NDUFAF6: variants seen among roughly 807,000 people sequenced by gnomAD.
The protein encoded by NDUFAF6 is NADH:ubiquinone oxidoreductase complex assembly factor 6.
A neutral mutation model predicts 40.8 loss-of-function variants in NDUFAF6; 45 were observed. That is an observed-to-expected ratio of 1.10 (90% confidence interval 0.87 to 1.42). The LOEUF (loss-of-function observed/expected upper bound fraction) is 1.42, where lower values mean the gene tolerates loss of function less well. NDUFAF6 is among the 40% of genes most tolerant of loss of function. NDUFAF6 has a pLI of 0.00. For synonymous variants in NDUFAF6, 185 were observed against 155.9 expected (o/e 1.19, Z -1.39); for missense variants, 435 against 418.5 (o/e 1.04, Z -0.34).
rs767124709 is a variant in NDUFAF6, at chr8:95,045,579, T to C, written c.512T>C (p.Ile171Thr). Residue 171 changes from isoleucine (I) to threonine (T), a missense_variant, in exon 5 of 9, where the codon ATC (isoleucine) becomes ACC (threonine). By Grantham distance (89) the Ile-to-Thr change is moderately conservative. Coordinates refer to ENST00000396124, the MANE Select transcript of NDUFAF6 (RefSeq NM_152416.4). ...CTGGATGACAAAGCATATCGTAATATCAAGGAACTGGAAAATTATGCTGAA... is the reference window on the plus strand; with the variant it reads ...CTGGATGACAAAGCATATCGTAATACCAAGGAACTGGAAAATTATGCTGAA... ...KNLDDKAYRN[I>T]KELENYAENT... 1.9e-6 allele frequency: 3 copies of C among 1,613,528 alleles called. No individual in the cohort carries two copies. Among genetic ancestry groups the C allele is most frequent in the Non-Finnish European group, 2.5e-6 (3 of 1,179,668 alleles).
In NDUFAF6 at chr8:94,925,549, C is replaced by CTTT. The variant is rs1287916481; in HGVS notation, c.-935-19917_-935-19915dup. On this transcript the variant is annotated intron_variant, in intron 1 of 14. Coordinates refer to the NDUFAF6 transcript ENST00000396113. ...CCTCATTTTAGGTTAAAAAGAAATC[C>CTTT]TTTTTTTTTTTTTTTTTTTGAGACA... 2.4e-3 allele frequency among the ~76,000 whole-genome samples: 325 copies of CTTT among 135,424 alleles called. 7 individuals are homozygous for CTTT. The highest frequency in any genetic ancestry group is 8.4e-3 in the African/African-American group (302 of 35,870). The allele number at this position is 135,424 out of a possible 152,430, so 88.8% of individuals were successfully genotyped here. A position where few individuals can be genotyped will look rare whatever the true frequency, so the allele number is the denominator to read the frequency against.
At chr8:95,111,669 T>C (rs1288625320) in intron 4 of NDUFAF6, among the ~76,000 whole-genome samples, 1 of 151,748 alleles carries the variant, frequency 6.6e-6, no homozygotes, top group Non-Finnish European at 1.5e-5. Context: ...TGGGCACCAG[T>C]ATCTTGACCA....
chr8:95,014,802 T>G (rs1827372176), intron 2 of NDUFAF6, among the ~76,000 whole-genome samples: 2 of 152,212 alleles, frequency 1.3e-5, no homozygotes, highest in African/African-American at 2.4e-5. Flanking sequence ...TTTATTCCTC[T>G]TTCAGCTCTG....
upstream of NDUFAF6, among the ~76,000 whole-genome samples, chr8:94,953,467 A>G (rs13257021): frequency 0.5 from 75,979 of 151,840 alleles, 19,533 homozygotes; most frequent in East Asian, 0.72. Context: ...CCAAGGAGCC[A>G]TGAAGCTTGA....
rs1254234450 is a variant in NDUFAF6, at chr8:95,058,398, A to C, written c.*461A>C. The C allele has an allele frequency of 8.1e-7, 1 of 1,232,810 alleles. No individual in the cohort carries two copies. The highest frequency in any genetic ancestry group is 1.0e-6 in the Non-Finnish European group (1 of 988,722). The allele number at this position is 1,232,810 out of a possible 1,614,324, so 76.4% of individuals were successfully genotyped here. A position where few individuals can be genotyped will look rare whatever the true frequency, so the allele number is the denominator to read the frequency against. ...TTTATTTAGGGGTCACAAATAGTGA[A>C]ATTAATATTTGAGGAATATCAGTCA... On this transcript the variant is annotated 3_prime_UTR_variant, in exon 9 of 9. Transcript: ENST00000396124.
In NDUFAF6 at chr8:95,057,790, A is replaced by G. The variant is rs373578249; in HGVS notation, c.874-19A>G. ...TTGATCATTTTATGATCTGGTGATCACTATTCTCTTTTTTCCAGGTTTCTC... is the reference window on the plus strand; with the variant it reads ...TTGATCATTTTATGATCTGGTGATCGCTATTCTCTTTTTTCCAGGTTTCTC... On this transcript the variant is annotated intron_variant, in intron 8 of 8. Transcript: ENST00000396124. The G allele has an allele frequency of 3.8e-6, 6 of 1,591,942 alleles. No individual in the cohort carries two copies. Among genetic ancestry groups the G allele is most frequent in the Non-Finnish European group, 5.2e-6 (6 of 1,163,082 alleles).
chr8:95,022,003 G>T (rs1249242673), upstream of NDUFAF6, among the ~76,000 whole-genome samples: 4 of 152,170 alleles, frequency 2.6e-5, no homozygotes, highest in African/African-American at 4.8e-5. Context: ...TGTAGTGTCA[G>T]AAGGGTTGCA....
intron 2 of NDUFAF6, among the ~76,000 whole-genome samples, chr8:95,094,496 T>A (rs7008499): frequency 0.86 from 126,732 of 146,790 alleles, 54,994 homozygotes; most frequent in East Asian, 1. Context: ...CACTGCAACC[T>A]CTGCCTCCAG....
chr8:94,939,144 ACAAGGTTTT>A (rs964934762), intron 1 of NDUFAF6, among the ~76,000 whole-genome samples: 8 of 152,222 alleles, frequency 5.3e-5, no homozygotes, highest in African/African-American at 1.9e-4. Context: ...AAATTCTCAG[ACAAGGTTTT>A]CAAGGTTACA....
intron 9 of NDUFAF6, among the ~76,000 whole-genome samples, chr8:95,074,970 C>G (rs1832987410): frequency 6.6e-6 from 1 of 152,160 alleles, no homozygotes; most frequent in South Asian, 2.1e-4. Context: ...ATCAGGCAGC[C>G]AGCAACCCCA....
chr8:95,012,993 C>T (rs1180655083), intron 2 of NDUFAF6, among the ~76,000 whole-genome samples: 1 of 152,200 alleles, frequency 6.6e-6, no homozygotes, highest in Non-Finnish European at 1.5e-5. Context: ...CCTTATCAAC[C>T]TACTACTCCC....
intron 1 of NDUFAF6, among the ~76,000 whole-genome samples, chr8:94,970,777 G>T (rs914884364): frequency 2.0e-5 from 3 of 152,150 alleles, no homozygotes; most frequent in African/African-American, 7.2e-5. Context: ...ATTGTAAATT[G>T]TATATACCTT....
upstream of NDUFAF6, among the ~76,000 whole-genome samples, chr8:95,020,180 CAA>C (rs1827633121): frequency 1.3e-5 from 2 of 152,070 alleles, no homozygotes; most frequent in East Asian, 3.9e-4. Flanking sequence ...GCCTGGGCGA[CAA>C]GAGTGAAACT....
chr8:94,909,144 G>C (rs534993124), intron 1 of NDUFAF6, among the ~76,000 whole-genome samples: 53 of 151,860 alleles, frequency 3.5e-4, no homozygotes, highest in African/African-American at 1.2e-3. Flanking sequence ...TCAGGAGTTC[G>C]AGACCAGCCT....
intron 1 of NDUFAF6, among the ~76,000 whole-genome samples, chr8:94,921,857 T>C (rs1235811138): frequency 6.6e-6 from 1 of 152,190 alleles, no homozygotes; most frequent in African/African-American, 2.4e-5. Flanking sequence ...CAGCAGTGGT[T>C]TAGGGCAATG....
At chr8:94,905,701 T>C (rs575682303) in intron 1 of NDUFAF6, among the ~76,000 whole-genome samples, 1 of 152,352 alleles carries the variant, frequency 6.6e-6, no homozygotes, top group East Asian at 1.9e-4. Flanking sequence ...TCTCCTAGTG[T>C]TCTTGCCCTC....
intron 1 of NDUFAF6, among the ~76,000 whole-genome samples, chr8:94,921,583 A>G (rs563905516): frequency 3.3e-5 from 5 of 152,340 alleles, no homozygotes; most frequent in African/African-American, 4.8e-5. Context: ...TCTTTACTCA[A>G]TGTTTTTCTT....
chr8:95,101,970 T>C (rs1809663444), intron 2 of NDUFAF6, among the ~76,000 whole-genome samples: 1 of 150,282 alleles, frequency 6.7e-6, no homozygotes, highest in Admixed American at 6.7e-5. Flanking sequence ...ATTTGAACAT[T>C]AGGAAAAGTG....
At chr8:94,988,250 G>C (rs1826028991) in intron 2 of NDUFAF6, 1 of 152,120 alleles carries the variant, frequency 6.6e-6, no homozygotes, top group Non-Finnish European at 1.5e-5. Context: ...TCTAAATTTG[G>C]AATATCCCTG....
Sources: allele counts gnomAD v4.1 joint callset (sites outside exome capture counted in the v4.1 genomes callset), GRCh38; gene constraint gnomAD v4.1.1; transcripts MANE v1.5; gene names NCBI Gene and HGNC (gene_info 2026-07-23, HGNC 2026-07-21).